WWC1: variants seen among roughly 807,000 people sequenced by gnomAD.
WWC1 encodes the protein WW and C2 domain containing 1.
In WWC1, 55 loss-of-function variants were observed where a neutral mutation model predicts 138.4. That is an observed-to-expected ratio of 0.40 (90% CI 0.32 to 0.50). The LOEUF (loss-of-function observed/expected upper bound fraction) is 0.50, where lower values mean the gene tolerates loss of function less well. WWC1 is among the 20% of genes least tolerant of loss of function. The pLI is 0.72. For missense variants in WWC1, 1,226 were observed against 1,420.4 expected, an observed-to-expected ratio of 0.86 and a Z score of 2.20; for synonymous variants, 524 against 564.9, an observed-to-expected ratio of 0.93 and a Z score of 1.03.
Position 168,428,694 on chromosome 5 carries a change from T to C in WWC1, c.1920-13T>C. ...TAGGGAAGCCTAACTCCTCCTCCCC[T>C]GTTGCCTTTCAGACTGGGTGCTTCA... On this transcript the variant is annotated splice_polypyrimidine_tract_variant and intron_variant, in intron 12 of 22. Coordinates refer to ENST00000265293, the MANE Select transcript of WWC1 (RefSeq NM_015238.3). The C allele has an allele frequency of 6.2e-7, 1 of 1,613,886 alleles. No individual in the cohort carries two copies. The highest frequency in any genetic ancestry group is 8.5e-7 in the Non-Finnish European group (1 of 1,179,818).
At chr5:168,380,138 C>T (rs775258019) in intron 2 of WWC1, among the ~76,000 whole-genome samples, 7 of 152,156 alleles carry the variant, frequency 4.6e-5, no homozygotes, top group Non-Finnish European at 8.8e-5. Context: ...TATGTAAAGA[C>T]GTCCTACAAC....
chr5:168,393,944 G>T (rs958165068), intron 3 of WWC1, among the ~76,000 whole-genome samples: 1 of 152,152 alleles, frequency 6.6e-6, no homozygotes, highest in Non-Finnish European at 1.5e-5. Context: ...GGGAAAAAAA[G>T]TGCTGAAAAG....
chr5:168,463,678 A>G (rs776122321), intron 20 of WWC1, among the ~76,000 whole-genome samples: 1 of 152,244 alleles, frequency 6.6e-6, no homozygotes, highest in Non-Finnish European at 1.5e-5. Flanking sequence ...TCTTTTACGT[A>G]TAGATAACTG....
chr5:168,337,583 T>C (rs1209515079), intron 1 of WWC1, among the ~76,000 whole-genome samples: 2 of 152,222 alleles, frequency 1.3e-5, no homozygotes, highest in African/African-American at 2.4e-5. Flanking sequence ...CTGAAAGATA[T>C]GTTAAGCATC....
At chr5:168,312,815 C>CTTTTT (rs763253959) in intron 1 of WWC1, among the ~76,000 whole-genome samples, 5 of 123,772 alleles carry the variant, frequency 4.0e-5, no homozygotes, top group African/African-American at 1.2e-4. Context: ...ATCCTAAGTA[C>CTTTTT]TTTTTTTTTT....
At chr5:168,457,563 AAAAT>A (rs1756450061) in intron 19 of WWC1, among the ~76,000 whole-genome samples, 3 of 152,150 alleles carry the variant, frequency 2.0e-5, no homozygotes, top group Non-Finnish European at 4.4e-5. Flanking sequence ...TATATGCAGG[AAAAT>A]TTGGGGGAAA....
At chr5:168,439,525 G>T (rs1407080944) in intron 15 of WWC1, among the ~76,000 whole-genome samples, 1 of 151,722 alleles carries the variant, frequency 6.6e-6, no homozygotes, top group Non-Finnish European at 1.5e-5. Flanking sequence ...TACTCCAGAG[G>T]CTGAGGCAGG....
chr5:168,340,880 A>G (rs768219964), intron 1 of WWC1, among the ~76,000 whole-genome samples: 2 of 152,204 alleles, frequency 1.3e-5, no homozygotes, highest in African/African-American at 4.8e-5. Flanking sequence ...TGTTTTACAA[A>G]TAAGGACATT....
chr5:168,441,850 G>T lies in WWC1; in HGVS notation c.2433+16G>T, dbSNP rs768163944. 6.2e-7 allele frequency: 1 copy of T among 1,609,890 alleles called. No individual in the cohort carries two copies. Among genetic ancestry groups the T allele is most frequent in the Non-Finnish European group, 8.5e-7 (1 of 1,177,712 alleles). ...TGCCAGCACGGTGAGCTGGGACCAG[G>T]TGTGCCACCTTCCCACAAGGCCGCA... On this transcript the variant is annotated intron_variant, in intron 16 of 22. Coordinates refer to ENST00000265293, the MANE Select transcript of WWC1 (RefSeq NM_015238.3).
chr5:168,383,762 C>G (rs913393728), intron 2 of WWC1, among the ~76,000 whole-genome samples: 1 of 152,162 alleles, frequency 6.6e-6, no homozygotes, highest in Non-Finnish European at 1.5e-5. Flanking sequence ...CCACATTGCC[C>G]TGATTTTACA....
chr5:168,426,203 T>C (rs1781489914), intron 11 of WWC1, among the ~76,000 whole-genome samples: 1 of 151,842 alleles, frequency 6.6e-6, no homozygotes, highest in Non-Finnish European at 1.5e-5. Context: ...AGGAAGGGAG[T>C]CTTGCTGAGT....
chr5:168,345,291 G>C (rs180685286), intron 1 of WWC1, among the ~76,000 whole-genome samples: 1 of 152,150 alleles, frequency 6.6e-6, no homozygotes, highest in Non-Finnish European at 1.5e-5. Flanking sequence ...TTTTAATAGA[G>C]ACAGGGTTTT....
chr5:168,452,502 G>GA lies in WWC1; in HGVS notation c.2526-1463dup, dbSNP rs569830998. On this transcript the variant is annotated intron_variant, in intron 17 of 22. Coordinates refer to ENST00000265293, the MANE Select transcript of WWC1 (RefSeq NM_015238.3). ...AGAAGGCAGCCATCTGCTAGCCAGG[G>GA]AAAGGGGCCTCAGGTGAATCAAACC... is the stretch of plus-strand genomic sequence containing the variant. Among the ~76,000 whole-genome samples, 14 of 152,326 alleles carry GA rather than the reference G, an allele frequency of 9.2e-5. No individual in the cohort carries two copies. In the East Asian group the frequency reaches 2.7e-3, roughly 29 times the overall value.
intron 17 of WWC1, among the ~76,000 whole-genome samples, chr5:168,451,903 CTTTTTT>C (rs3085192): frequency 3.7e-5 from 4 of 108,544 alleles, no homozygotes; most frequent in African/African-American, 7.4e-5. Context: ...TTGTTGGTGT[CTTTTTT>C]TTTTTTTTTT....
At chr5:168,339,977 TTCTCTCTTTCTCTC>T (rs1264724820) in intron 1 of WWC1, among the ~76,000 whole-genome samples, 4 of 105,248 alleles carry the variant, frequency 3.8e-5, no homozygotes, top group Middle Eastern at 4.3e-3. Flanking sequence ...CTGTCTCTCT[TTCTCTCTTTCTCTC>T]TCTCTCTTTC....
chr5:168,399,611 C>T, intron 5 of WWC1, 44 bp downstream of exon 5: 1 of 1,585,014 alleles, frequency 6.3e-7, no homozygotes. Context: ...TGCTCCCCAC[C>T]CTGGTTCCCC....
intron 2 of WWC1, among the ~76,000 whole-genome samples, chr5:168,382,594 C>T (rs979527786): frequency 6.6e-6 from 1 of 152,150 alleles, no homozygotes; most frequent in Non-Finnish European, 1.5e-5. Context: ...GGGGGACCCA[C>T]GATTCCTGAA....
chr5:168,453,045 C>G (rs1755975982), intron 17 of WWC1, among the ~76,000 whole-genome samples: 1 of 152,066 alleles, frequency 6.6e-6, no homozygotes, highest in South Asian at 2.1e-4. Flanking sequence ...GGCAACATAC[C>G]AAAACTCTGT....
intron 19 of WWC1, among the ~76,000 whole-genome samples, chr5:168,457,317 G>C (rs1004481559): frequency 1.3e-5 from 2 of 152,064 alleles, no homozygotes; most frequent in African/African-American, 4.8e-5. Context: ...AAACTCTGCA[G>C]GCATGGAGGC....
Sources: allele counts gnomAD v4.1 joint callset (sites outside exome capture counted in the v4.1 genomes callset), GRCh38; gene constraint gnomAD v4.1.1; transcripts MANE v1.5; gene names NCBI Gene and HGNC (gene_info 2026-07-23, HGNC 2026-07-21).